The following CSMD1 variants were observed in gnomAD, a reference collection of about 807,000 sequenced individuals.
CSMD1 encodes the protein CUB and sushi domain-containing protein 1.
In CSMD1, 213 loss-of-function variants were observed where a neutral mutation model predicts 417.5. That is an observed-to-expected ratio of 0.51 (90% CI 0.46 to 0.57). The LOEUF (loss-of-function observed/expected upper bound fraction) is 0.57. Ranked by LOEUF, CSMD1 falls within the 20% of genes least tolerant of loss-of-function variation. The pLI is 0.00. For synonymous variants in CSMD1, 2,862 were observed against 1,736.8 expected, an observed-to-expected ratio of 1.65 and a Z score of -16.11; for missense variants, 6,923 against 4,529.7, an observed-to-expected ratio of 1.53 and a Z score of -15.17.
intron 10 of CSMD1, among the ~76,000 whole-genome samples, chr8:3,558,891 G>A (rs1469281650): frequency 6.6e-6 from 1 of 152,108 alleles, no homozygotes; most frequent in Non-Finnish European, 1.5e-5. Flanking sequence ...GTTGCTCAAG[G>A]TGTCTGAAAA....
At chr8:3,808,078 G>C (rs1272385411) in intron 5 of CSMD1, among the ~76,000 whole-genome samples, 1 of 152,050 alleles carries the variant, frequency 6.6e-6, no homozygotes, top group Non-Finnish European at 1.5e-5. Flanking sequence ...GAAGAAAATG[G>C]TTTGATTATA....
chr8:3,135,163 G>T (rs570054671), intron 41 of CSMD1, among the ~76,000 whole-genome samples: 1 of 152,096 alleles, frequency 6.6e-6, no homozygotes, highest in Non-Finnish European at 1.5e-5. Flanking sequence ...CAATCTTCCC[G>T]CCTTGGCTTC....
At chr8:3,815,620 G>A (rs1487074668) in intron 5 of CSMD1, among the ~76,000 whole-genome samples, 1 of 92,398 alleles carries the variant, frequency 1.1e-5, no homozygotes, top group Non-Finnish European at 2.1e-5. Flanking sequence ...ATCACTGCTA[G>A]ACTTTCTTTT....
At chr8:3,959,327 T>C (rs922022184) in intron 5 of CSMD1, among the ~76,000 whole-genome samples, 1 of 152,082 alleles carries the variant, frequency 6.6e-6, no homozygotes, top group African/African-American at 2.4e-5. Context: ...CAAAAAACCC[T>C]GTCTCTACTA....
At chr8:3,991,832 G>A (rs1172596645) in intron 5 of CSMD1, among the ~76,000 whole-genome samples, 2 of 152,126 alleles carry the variant, frequency 1.3e-5, no homozygotes, top group Non-Finnish European at 2.9e-5. Flanking sequence ...TTGCTTTTTG[G>A]ATGGTTGAAT....
rs746148555 is a variant in CSMD1 at position 4,544,110 on chromosome 8, T to G, written c.302+93232A>C. ...TCTTTTAACATTGTCTTTCTTAGGG[T>G]TCTTAATTTGCATAAAGTCCAACTT... On this transcript the variant is annotated intron_variant, in intron 2 of 69. Transcript: ENST00000635120. Among the ~76,000 whole-genome samples, 295 of 152,322 alleles carry G rather than the reference T, an allele frequency of 1.9e-3. 3 individuals are homozygous for G. Among genetic ancestry groups the G allele is most frequent in the Non-Finnish European group, 3.7e-3 (255 of 68,024 alleles).
At chr8:3,825,423 G>T (rs1267106233) in intron 5 of CSMD1, among the ~76,000 whole-genome samples, 3 of 152,134 alleles carry the variant, frequency 2.0e-5, no homozygotes, top group African/African-American at 7.2e-5. Context: ...CAGGTACTTG[G>T]GAGGCTGAGG....
At chr8:3,503,592 T>C (rs1320468906) in intron 10 of CSMD1, among the ~76,000 whole-genome samples, 1 of 152,198 alleles carries the variant, frequency 6.6e-6, no homozygotes, top group African/African-American at 2.4e-5. Context: ...CCCTGCCAAG[T>C]CCCTTTTGTC....
intron 2 of CSMD1, among the ~76,000 whole-genome samples, chr8:4,497,106 G>A (rs1334391342): frequency 6.6e-6 from 1 of 152,134 alleles, no homozygotes; most frequent in Non-Finnish European, 1.5e-5. Flanking sequence ...CAGCAGCAGT[G>A]ACATCCCAGA....
intron 5 of CSMD1, among the ~76,000 whole-genome samples, chr8:3,982,744 G>C (rs112646805): frequency 6.6e-6 from 1 of 152,130 alleles, no homozygotes; most frequent in Non-Finnish European, 1.5e-5. Flanking sequence ...GAGGCTTAAC[G>C]TGGAAGGAGC....
chr8:2,998,565 G>C (rs1337192596), intron 53 of CSMD1, among the ~76,000 whole-genome samples: 4 of 152,148 alleles, frequency 2.6e-5, no homozygotes, highest in African/African-American at 7.2e-5. Flanking sequence ...ATACACACCA[G>C]CTGACTCTGT....
chr8:2,963,440 TG>T (rs1329118032), intron 59 of CSMD1, 45 bp from the exon 60 acceptor site: 2 of 1,589,266 alleles, frequency 1.3e-6, no homozygotes, highest in African/African-American at 2.7e-5. Flanking sequence ...GAGCTCCCGC[TG>T]CAGCGGTGAT....
intron 1 of CSMD1, among the ~76,000 whole-genome samples, chr8:4,853,147 A>T (rs577240788): frequency 6.6e-6 from 1 of 152,348 alleles, no homozygotes; most frequent in Admixed American, 6.5e-5. Context: ...TATGGAGCAA[A>T]CACTTTCTAG....
intron 6 of CSMD1, among the ~76,000 whole-genome samples, chr8:3,741,097 C>A: frequency 6.6e-6 from 1 of 151,568 alleles, no homozygotes; most frequent in African/African-American, 2.4e-5. Context: ...TGCCTGTGAT[C>A]CCAGCTACTT....
intron 2 of CSMD1, among the ~76,000 whole-genome samples, chr8:4,516,058 G>T (rs1803102257): frequency 6.6e-6 from 1 of 152,144 alleles, no homozygotes; most frequent in South Asian, 2.1e-4. Flanking sequence ...AAACTGCTAT[G>T]TTGAAATCTC....
intron 31 of CSMD1, among the ~76,000 whole-genome samples, chr8:3,203,030 A>T (rs1797072115): frequency 6.6e-6 from 1 of 152,160 alleles, no homozygotes; most frequent in African/African-American, 2.4e-5. Context: ...GATTTTTATC[A>T]TACTGGAGGC....
intron 33 of CSMD1, among the ~76,000 whole-genome samples, chr8:3,195,551 T>C (rs1372726658): frequency 6.6e-6 from 1 of 152,198 alleles, no homozygotes; most frequent in Non-Finnish European, 1.5e-5. Flanking sequence ...AAGAATATGT[T>C]GATTTTCGGT....
intron 3 of CSMD1, among the ~76,000 whole-genome samples, chr8:4,067,440 G>C (rs1799309970): frequency 6.6e-6 from 1 of 151,880 alleles, no homozygotes; most frequent in Non-Finnish European, 1.5e-5. Flanking sequence ...ATTTATTATT[G>C]TTATACAGTG....
At chr8:4,567,266 G>T (rs1038895409) in intron 2 of CSMD1, among the ~76,000 whole-genome samples, 4 of 152,126 alleles carry the variant, frequency 2.6e-5, no homozygotes, top group African/African-American at 7.2e-5. Flanking sequence ...CACTACAATT[G>T]TAACGATTGT....
Sources: gnomAD v4.1 joint callset for allele counts (sites outside exome capture counted in the v4.1 genomes callset) on GRCh38, gnomAD v4.1.1 for gene constraint, MANE v1.5 for transcripts, NCBI Gene and HGNC (gene_info 2026-07-23, HGNC 2026-07-21) for gene names.